SUMF1: variants seen among roughly 807,000 people sequenced by gnomAD.
SUMF1 encodes formylglycine-generating enzyme.
Under a neutral mutation model 47.6 loss-of-function variants are expected in SUMF1, and 48 were observed. That is an observed-to-expected ratio of 1.01 (90% CI 0.80 to 1.28). The LOEUF is 1.28. Ranked by LOEUF, SUMF1 falls within the 50% of genes most tolerant of loss-of-function variation. The pLI is 0.00. For synonymous variants in SUMF1, 230 were observed against 192.1 expected, an observed-to-expected ratio of 1.20 and a Z score of -1.63; for missense variants, 571 against 485.4, an observed-to-expected ratio of 1.18 and a Z score of -1.66.
chr3:4,050,106 A>G (rs992938355), intron 9 of SUMF1, among the ~76,000 whole-genome samples: 1 of 151,942 alleles, frequency 6.6e-6, no homozygotes, highest in Non-Finnish European at 1.5e-5. Flanking sequence ...ACATGGGTAC[A>G]GGATAGGGGC....
At chr3:4,402,875 G>A (rs1005054229) in intron 7 of SUMF1, among the ~76,000 whole-genome samples, 33 of 152,132 alleles carry the variant, frequency 2.2e-4, no homozygotes, top group Admixed American at 8.5e-4. Flanking sequence ...AAAAAAAATC[G>A]CTGTGTAACA....
In SUMF1 at chr3:4,243,741, T is replaced by C. The variant is rs536415891; in HGVS notation, c.1014+132589A>G. On this transcript the variant is annotated intron_variant and NMD_transcript_variant, in intron 8 of 12. Coordinates refer to the SUMF1 transcript ENST00000448413. ...GTGCTGAGAAGAATGTATATTCTGT[T>C]GATTTGGGTTGAAGAGTTCTGAAGA... is the stretch of plus-strand genomic sequence containing the variant. Among the ~76,000 whole-genome samples, 3 of 152,324 alleles carry C rather than the reference T, an allele frequency of 2.0e-5. No homozygotes were observed. The East Asian group carries it at 5.8e-4, about 29-fold the overall frequency.
chr3:4,311,548 C>T (rs1698403912), intron 8 of SUMF1, among the ~76,000 whole-genome samples: 1 of 152,170 alleles, frequency 6.6e-6, no homozygotes. Flanking sequence ...GAATTCCTTC[C>T]TGGTATCAGT....
intron 8 of SUMF1, among the ~76,000 whole-genome samples, chr3:4,276,237 A>G (rs1451792924): frequency 6.6e-6 from 1 of 152,188 alleles, no homozygotes; most frequent in African/African-American, 2.4e-5. Flanking sequence ...ACAGATAATA[A>G]TATTTATTGC....
chr3:4,316,341 C>A, intron 8 of SUMF1: 2 of 1,442,270 alleles, frequency 1.4e-6, no homozygotes, highest in Non-Finnish European at 1.9e-6. Flanking sequence ...TGCTAACGAA[C>A]GTACAGTGCA....
intron 8 of SUMF1, among the ~76,000 whole-genome samples, chr3:4,095,378 A>G (rs1467188569): frequency 2.6e-5 from 4 of 152,094 alleles, no homozygotes; most frequent in African/African-American, 9.7e-5. Context: ...TGGCTGCAGA[A>G]AATCTAGTAC....
At chr3:4,121,873 T>A (rs1693552249) in intron 8 of SUMF1, among the ~76,000 whole-genome samples, 1 of 152,038 alleles carries the variant, frequency 6.6e-6, no homozygotes, top group South Asian at 2.1e-4. Flanking sequence ...CCTCCCATCC[T>A]CCCCGCTCTG....
intron 8 of SUMF1, among the ~76,000 whole-genome samples, chr3:4,256,017 TG>T (rs1230566423): frequency 1.3e-5 from 2 of 150,480 alleles, no homozygotes; most frequent in African/African-American, 4.9e-5. Context: ...GAATGACTAC[TG>T]GGTACATAAT....
intron 8 of SUMF1, among the ~76,000 whole-genome samples, chr3:4,226,402 T>C (rs1696176168): frequency 6.6e-6 from 1 of 151,588 alleles, no homozygotes; most frequent in African/African-American, 2.4e-5. Context: ...CCTGAGTAGC[T>C]GGGACTACAG....
chr3:4,247,002 T>C (rs1005911227), intron 8 of SUMF1, among the ~76,000 whole-genome samples: 8 of 152,206 alleles, frequency 5.3e-5, no homozygotes, highest in African/African-American at 1.4e-4. Flanking sequence ...GTATATATCC[T>C]GTACAACTGG....
chr3:4,157,994 A>G (rs140870688), intron 8 of SUMF1, among the ~76,000 whole-genome samples: 1 of 151,536 alleles, frequency 6.6e-6, no homozygotes, highest in Non-Finnish European at 1.5e-5. Flanking sequence ...TATCACAGAA[A>G]AGCATTTATT....
At chr3:4,260,208 G>A (rs573245205) in intron 8 of SUMF1, among the ~76,000 whole-genome samples, 22 of 152,140 alleles carry the variant, frequency 1.4e-4, no homozygotes, top group South Asian at 2.1e-4. Flanking sequence ...GCAAATGCTC[G>A]CACAGGGACT....
rs536144011 is a variant in SUMF1 at position 4,112,947 on chromosome 3, G to A, written c.1015-44202C>T. 9.2e-5 allele frequency among the ~76,000 whole-genome samples: 14 copies of A among 152,226 alleles called. No individual in the cohort carries two copies. The East Asian group carries it at 2.7e-3, about 29-fold the overall frequency. ...TACTGAATGCCAGTCTGCATAAATA[G>A]TTACAATTTCTAAAGTATGTGGCAG... On this transcript the variant is annotated intron_variant and NMD_transcript_variant, in intron 8 of 12. Coordinates refer to the SUMF1 transcript ENST00000448413.
At chr3:4,342,346 A>G (rs887126658) in intron 8 of SUMF1, among the ~76,000 whole-genome samples, 1 of 152,210 alleles carries the variant, frequency 6.6e-6, no homozygotes, top group African/African-American at 2.4e-5. Context: ...CAGGCTGAGC[A>G]ACATGGTGAA....
chr3:4,151,551 GTA>G lies in SUMF1; in HGVS notation c.1015-82808_1015-82807del, dbSNP rs1401906976. ...TATATATGTGTATATATATGTGTGTGTATATACACACACACACACACACACAC... is the reference window on the plus strand; with the variant it reads ...TATATATGTGTATATATATGTGTGTGTATACACACACACACACACACACAC... On this transcript the variant is annotated intron_variant and NMD_transcript_variant, in intron 8 of 12. Transcript: ENST00000448413. Among the ~76,000 whole-genome samples the G allele has an allele frequency of 1.9e-3, 165 of 87,966 alleles. 1 individual carries two copies. The highest frequency in any genetic ancestry group is 7.6e-3 in the East Asian group (22 of 2,900). 57.7% of individuals were successfully genotyped at this position (87,966 alleles called of 152,430 possible). A position where few individuals can be genotyped will look rare whatever the true frequency, so the allele number is the denominator to read the frequency against.
intron 8 of SUMF1, among the ~76,000 whole-genome samples, chr3:4,288,813 A>G (rs1212183505): frequency 1.3e-5 from 2 of 151,630 alleles, no homozygotes; most frequent in Non-Finnish European, 2.9e-5. Flanking sequence ...AGAAAAAAAA[A>G]AAAATTGAAC....
intron 8 of SUMF1, among the ~76,000 whole-genome samples, chr3:4,175,644 G>A (rs946076428): frequency 6.6e-5 from 10 of 152,224 alleles, no homozygotes; most frequent in East Asian, 1.9e-4. Context: ...CCAAAGAATC[G>A]CAGCTCCTTG....
At chr3:4,370,697 T>C (rs529607053) in intron 8 of SUMF1, among the ~76,000 whole-genome samples, 25 of 152,328 alleles carry the variant, frequency 1.6e-4, no homozygotes, top group Non-Finnish European at 3.2e-4. Context: ...AATTCCATTC[T>C]TGAAAGACAA....
At chr3:4,101,487 G>T (rs1693031608) in intron 8 of SUMF1, among the ~76,000 whole-genome samples, 1 of 152,094 alleles carries the variant, frequency 6.6e-6, no homozygotes, top group African/African-American at 2.4e-5. Context: ...ACCAGATCTG[G>T]GGGTGGAGAA....
Sources: allele counts gnomAD v4.1 joint callset (sites outside exome capture counted in the v4.1 genomes callset), GRCh38; gene constraint gnomAD v4.1.1; transcripts MANE v1.5; gene names NCBI Gene and HGNC (gene_info 2026-07-23, HGNC 2026-07-21).